The following PIBF1 variants were observed in gnomAD, a reference collection of about 807,000 sequenced individuals.
PIBF1 encodes the protein progesterone immunomodulatory binding factor 1.
A neutral mutation model predicts 112.5 loss-of-function variants in PIBF1; 90 were observed. That is an observed-to-expected ratio of 0.80 (90% CI 0.67 to 0.95). The LOEUF is 0.95. PIBF1 is among the 40% of genes least tolerant of loss of function. The pLI is 0.00. For synonymous variants in PIBF1, 301 were observed against 288.6 expected (o/e 1.04, Z -0.44); for missense variants, 915 against 852.3 (o/e 1.07, Z -0.92).
intron 5 of PIBF1, among the ~76,000 whole-genome samples, chr13:72,817,518 A>G (rs925916096): frequency 6.6e-6 from 1 of 152,292 alleles, no homozygotes; most frequent in South Asian, 2.1e-4. Flanking sequence ...ATTAATTGCA[A>G]ACCTTCTATA....
chr13:72,913,986 C>T (rs898116003), intron 12 of PIBF1, among the ~76,000 whole-genome samples: 3 of 152,152 alleles, frequency 2.0e-5, no homozygotes, highest in Admixed American at 6.5e-5. Flanking sequence ...TATACCTTGT[C>T]CTTATTTAAT....
intron 9 of PIBF1, chr13:72,836,004 C>T (rs760166150): frequency 9.0e-5 from 32 of 354,326 alleles, no homozygotes; most frequent in Non-Finnish European, 1.7e-4. Flanking sequence ...GAGGCTGAGG[C>T]AGGAGAATGG....
chr13:72,790,403 G>C (rs980810007), intron 2 of PIBF1, among the ~76,000 whole-genome samples: 2 of 145,170 alleles, frequency 1.4e-5, no homozygotes, highest in Non-Finnish European at 3.0e-5. Flanking sequence ...TTGTCAGTTA[G>C]AGTTTAGGAG....
chr13:72,934,909 A>T (rs1351291835), intron 14 of PIBF1, among the ~76,000 whole-genome samples: 1 of 152,078 alleles, frequency 6.6e-6, no homozygotes, highest in Non-Finnish European at 1.5e-5. Flanking sequence ...TCCCCATCTC[A>T]GTCCCTAAGC....
At chr13:72,907,494 A>G (rs796635774) in intron 11 of PIBF1, among the ~76,000 whole-genome samples, 24 of 152,268 alleles carry the variant, frequency 1.6e-4, no homozygotes, top group African/African-American at 5.8e-4. Flanking sequence ...TACAGTAGCA[A>G]TAGTACTTTT....
At chr13:73,013,954 A>C (rs1020808175) in intron 17 of PIBF1, among the ~76,000 whole-genome samples, 1 of 152,128 alleles carries the variant, frequency 6.6e-6, no homozygotes, top group Non-Finnish European at 1.5e-5. Context: ...AAGTGAAAAA[A>C]CAAAAATTGA....
chr13:72,820,457 A>G (rs529413857), intron 5 of PIBF1, among the ~76,000 whole-genome samples: 2 of 152,314 alleles, frequency 1.3e-5, no homozygotes, highest in African/African-American at 2.4e-5. Context: ...CCATAGTAAC[A>G]TTCCATTCTC....
At chr13:72,872,260 T>TG (rs560119507) in intron 10 of PIBF1, among the ~76,000 whole-genome samples, 24 of 152,228 alleles carry the variant, frequency 1.6e-4, no homozygotes, top group Non-Finnish European at 3.5e-4. Flanking sequence ...GAAAGTATCT[T>TG]GGAGAGTTAT....
intron 9 of PIBF1, among the ~76,000 whole-genome samples, chr13:72,852,505 C>A (rs886882431): frequency 2.0e-5 from 3 of 152,154 alleles, no homozygotes; most frequent in Non-Finnish European, 4.4e-5. Context: ...GGTGTGAGAT[C>A]CCGGCCAGTA....
chr13:72,782,920 TGGG>T (rs144473826), intron 1 of PIBF1, among the ~76,000 whole-genome samples: 9 of 149,916 alleles, frequency 6.0e-5, no homozygotes, highest in Admixed American at 2.0e-4. Flanking sequence ...GTGTTTGTGT[TGGG>T]GGGGCGGTGA....
intron 14 of PIBF1, among the ~76,000 whole-genome samples, chr13:72,961,366 G>T (rs1348546140): frequency 6.6e-6 from 1 of 151,994 alleles, no homozygotes; most frequent in Non-Finnish European, 1.5e-5. Context: ...TTATTAAAAT[G>T]AGTGGAAAAC....
At chr13:72,915,827 T>G (rs964061531) in intron 12 of PIBF1, among the ~76,000 whole-genome samples, 1 of 152,176 alleles carries the variant, frequency 6.6e-6, no homozygotes, top group South Asian at 2.1e-4. Flanking sequence ...AAATCTTTAC[T>G]ACAGAAGGGC....
At chr13:72,894,901 G>A (rs2040216863) in intron 11 of PIBF1, among the ~76,000 whole-genome samples, 1 of 151,240 alleles carries the variant, frequency 6.6e-6, no homozygotes, top group Non-Finnish European at 1.5e-5. Context: ...GAGGTAGGTG[G>A]ATCACCTGAG....
intron 9 of PIBF1, among the ~76,000 whole-genome samples, chr13:72,842,356 A>C (rs796510361): frequency 6.6e-6 from 1 of 152,178 alleles, no homozygotes; most frequent in African/African-American, 2.4e-5. Context: ...TAGCTTTACA[A>C]TTGTTTGAAA....
intron 16 of PIBF1, among the ~76,000 whole-genome samples, chr13:72,975,643 AT>A (rs1029903455): frequency 2.0e-5 from 3 of 152,208 alleles, no homozygotes; most frequent in Admixed American, 6.5e-5. Flanking sequence ...GATTGTAATG[AT>A]AACATTTAGG....
chr13:72,856,764 A>T (rs1168463979), intron 10 of PIBF1, among the ~76,000 whole-genome samples: 3 of 152,228 alleles, frequency 2.0e-5, no homozygotes, highest in Admixed American at 1.3e-4. Flanking sequence ...CATTTTTAAA[A>T]GTAGAATTCT....
chr13:72,910,718 A>G (rs1161900990), intron 12 of PIBF1, among the ~76,000 whole-genome samples: 1 of 152,228 alleles, frequency 6.6e-6, no homozygotes, highest in African/African-American at 2.4e-5. Flanking sequence ...CAGATTACCA[A>G]ACAACTACTA....
intron 10 of PIBF1, among the ~76,000 whole-genome samples, chr13:72,873,385 C>T (rs2039246245): frequency 1.3e-5 from 2 of 152,022 alleles, no homozygotes; most frequent in Admixed American, 1.3e-4. Context: ...AGAACGTGAA[C>T]CATTAAGAAA....
intron 9 of PIBF1, among the ~76,000 whole-genome samples, chr13:72,836,567 G>A (rs1020453700): frequency 6.6e-6 from 1 of 152,122 alleles, no homozygotes; most frequent in Non-Finnish European, 1.5e-5. Flanking sequence ...TCCTTTGGTA[G>A]TAAATTAACA....
Sources: allele counts gnomAD v4.1 joint callset (sites outside exome capture counted in the v4.1 genomes callset), GRCh38; gene constraint gnomAD v4.1.1; transcripts MANE v1.5; gene names NCBI Gene and HGNC (gene_info 2026-07-23, HGNC 2026-07-21).